Variants in ANKMY1 observed in about 807,000 individuals in gnomAD.
ANKMY1 encodes the protein ankyrin repeat and MYND domain-containing protein 1.
In ANKMY1, 98 loss-of-function variants were observed where a neutral mutation model predicts 102.0. The ratio of observed to expected loss-of-function variants is 0.96; its 90% CI spans 0.82 to 1.14. ANKMY1 has a LOEUF of 1.14. Ranked by LOEUF, ANKMY1 falls within the 50% of genes most tolerant of loss-of-function variation. The probability of loss-of-function intolerance (pLI) is 0.00; values close to 1 mark genes in which losing one functional copy is unlikely to be tolerated. For synonymous variants in ANKMY1, 582 were observed against 559.9 expected (o/e 1.04, Z -0.56); for missense variants, 1,330 against 1,347.6 (o/e 0.99, Z 0.20).
chr2:240,560,419 A>C (rs2092865017), upstream of ANKMY1: 4 of 331,850 alleles, frequency 1.2e-5, no homozygotes, highest in South Asian at 1.2e-4. Context: ...GGGACAGAGA[A>C]CATGGGACGC....
At position 240,520,114 on chromosome 2, in the gene ANKMY1, GA is replaced by G; in HGVS notation, c.2004+247del. 5 of 716,306 alleles carry G rather than the reference GA, an allele frequency of 7.0e-6. No individual in the cohort carries two copies. The highest frequency in any genetic ancestry group is 2.9e-5 in the East Asian group (1 of 34,728). 44.4% of individuals were successfully genotyped at this position (716,306 alleles called of 1,614,324 possible). ...TCCCCTTAGTTTGCTTCAACACTGG[GA>G]AAAAAATCACACGGATCGTGAAGTA... On this transcript the variant is annotated intron_variant, in intron 9 of 17. Coordinates refer to ENST00000401804, the MANE Select transcript of ANKMY1 (RefSeq NM_001282771.3). The surrounding 1 kb of genome is among the most constrained non-coding windows in gnomAD (Gnocchi z 4.8).
downstream of ANKMY1, among the ~76,000 whole-genome samples, chr2:240,477,926 A>G (rs1373752154): frequency 2.0e-5 from 3 of 152,160 alleles, no homozygotes; most frequent in Non-Finnish European, 2.9e-5. Context: ...TGGCCATGGT[A>G]ATATCCAGGT....
chr2:240,529,219 T>C lies in ANKMY1; in HGVS notation c.771A>G (p.Pro257=), dbSNP rs368913540. ...FLLNDNLTLP[P]EMYVYSTNSD... ...TGTTGGTCGAGTAGACATACATTTC[T>C]GGAGGCAGCGTTAGGTTGTCATTCA... The change falls in exon 5 of 18, where the codon CCA becomes CCG. Residue 257 remains proline, a synonymous_variant. Coordinates refer to ENST00000401804, the MANE Select transcript of ANKMY1 (RefSeq NM_001282771.3). The surrounding 1 kb of genome is among the most constrained non-coding windows in gnomAD (Gnocchi z 4.2). 9 of 1,614,116 alleles carry C rather than the reference T, an allele frequency of 5.6e-6. No individual in the cohort carries two copies. The highest frequency in any genetic ancestry group is 1.7e-5 in the Admixed American group (1 of 60,006).
chr2:240,507,120 A>C (rs1247995608), intron 13 of ANKMY1, among the ~76,000 whole-genome samples: 2 of 151,784 alleles, frequency 1.3e-5, no homozygotes, highest in African/African-American at 4.8e-5. Context: ...TGCTGAGTGG[A>C]TTTGCCACTT....
upstream of ANKMY1, chr2:240,560,509 T>A (rs1440750540): frequency 1.0e-6 from 1 of 1,001,778 alleles, no homozygotes; most frequent in Non-Finnish European, 1.3e-6. Flanking sequence ...CCAAGCCCCC[T>A]GTCCCGGCCC....
At chr2:240,521,047 A>G (rs2082142492) in intron 8 of ANKMY1, among the ~76,000 whole-genome samples, 1 of 152,138 alleles carries the variant, frequency 6.6e-6, no homozygotes, top group Admixed American at 6.6e-5. Context: ...GGTCAGGAGT[A>G]AACTGTGCCT....
At chr2:240,521,305 C>A (rs549552563) in intron 8 of ANKMY1, among the ~76,000 whole-genome samples, 1 of 151,294 alleles carries the variant, frequency 6.6e-6, no homozygotes, top group African/African-American at 2.5e-5. Flanking sequence ...TCTCCAGACC[C>A]GTCTCCAGAC....
At chr2:240,560,153 A>C (rs2092821604), upstream of ANKMY1, 1 of 152,684 alleles carries the variant, frequency 6.5e-6, no homozygotes, top group Admixed American at 6.5e-5. Context: ...AGCGGGCCAC[A>C]AAAAGGAATA....
In ANKMY1 at chr2:240,524,053, G is replaced by A. The variant is rs201824658; in HGVS notation, c.1664C>T (p.Thr555Met). 175 of 1,614,024 alleles carry A rather than the reference G, an allele frequency of 1.1e-4. 1 individual carries two copies. The highest frequency in any genetic ancestry group is 1.3e-4 in the Non-Finnish European group (150 of 1,180,044). Residue 555 changes from threonine (T) to methionine (M), a missense_variant, in exon 8 of 18, where the codon ACG (threonine) becomes ATG (methionine). Coordinates refer to ENST00000401804, the MANE Select transcript of ANKMY1 (RefSeq NM_001282771.3). ...TDRGSLCSAE[T>M]KFESNVCVCD... is the part of the protein sequence containing the mutation. ...CACACACACGTTGGACTCAAATTTC[G>A]TCTCAGCACTGCACAGACTGCCCCG... is the stretch of plus-strand genomic sequence containing the variant.
At chr2:240,493,033 C>A (rs1486916672) in intron 15 of ANKMY1, among the ~76,000 whole-genome samples, 2 of 150,402 alleles carry the variant, frequency 1.3e-5, no homozygotes, top group Admixed American at 6.7e-5. Context: ...TCAAAAGTTT[C>A]TTTTTGGTGA....
At position 240,511,818 on chromosome 2, in the gene ANKMY1, G is replaced by A. The variant is rs200258995; in HGVS notation, c.2286+43C>T. 1,389 of 1,531,166 alleles carry A rather than the reference G, an allele frequency of 9.1e-4. 6 individuals carry two copies. Among genetic ancestry groups the A allele is most frequent in the Non-Finnish European group, 7.3e-4 (838 of 1,154,364 alleles). The allele number at this position is 1,531,166 out of a possible 1,614,324, so 94.8% of individuals were successfully genotyped here. On this transcript the variant is annotated intron_variant, in intron 11 of 17. Coordinates refer to ENST00000401804, the MANE Select transcript of ANKMY1 (RefSeq NM_001282771.3). The stretch of plus-strand genomic sequence containing the variant: ...CAAGGCCCTGGAAGGTGGCCCCACC[G>A]CTGGGCAGCCCTGTGCCCCCGCCAG...
At chr2:240,522,637 C>G (rs771742448) in intron 8 of ANKMY1, 3 of 152,222 alleles carry the variant, frequency 2.0e-5, no homozygotes, top group African/African-American at 7.2e-5. Flanking sequence ...CTGAAGCCCA[C>G]GGGCCCACCT....
chr2:240,513,480 G>A (rs1409185871), intron 9 of ANKMY1, among the ~76,000 whole-genome samples: 1 of 152,254 alleles, frequency 6.6e-6, no homozygotes, highest in African/African-American at 2.4e-5. Flanking sequence ...GGCTGAGAAT[G>A]GACAGTGGGC....
At chr2:240,518,410 G>T (rs369583742) in intron 9 of ANKMY1, among the ~76,000 whole-genome samples, 1 of 152,062 alleles carries the variant, frequency 6.6e-6, no homozygotes, top group Non-Finnish European at 1.5e-5. Context: ...TTTCCCACAC[G>T]TGGTTATATT....
chr2:240,524,338 A>G lies in ANKMY1; in HGVS notation c.1379T>C (p.Phe460Ser). 1.2e-6 allele frequency: 2 copies of G among 1,608,994 alleles called. No individual in the cohort carries two copies. The highest frequency in any genetic ancestry group is 1.7e-6 in the Non-Finnish European group (2 of 1,176,930). The change falls in exon 8 of 18, where the codon TTT becomes TCT. Residue 460 changes from phenylalanine (F) to serine (S), a missense_variant. Physicochemically the swap from Phe to Ser is radical, Grantham distance 155. Transcript: ENST00000401804. ...FPVVPILSSS[F>S]MDTNLESLYY... ...CAGAGACTCCAGGTTTGTGTCCATA[A>G]ATGATGATGAAAGGATTGGAACAAC...
chr2:240,554,806 AT>A (rs1237158180), intron 3 of ANKMY1, 59 bp downstream of exon 3: 1 of 1,590,466 alleles, frequency 6.3e-7, no homozygotes, highest in Non-Finnish European at 8.6e-7. Context: ...TCTTGGAAGG[AT>A]AAAGGCCAGC....
Position 240,481,063 on chromosome 2 carries a change from G to A in ANKMY1, c.2920C>T (p.Arg974Cys), listed in dbSNP as rs146962817. 43 of 1,612,588 alleles carry A rather than the reference G, an allele frequency of 2.7e-5. No homozygotes were observed. The highest frequency in any genetic ancestry group is 3.3e-5 in the Admixed American group (2 of 59,932). The change falls in exon 17 of 18, where the codon CGC becomes TGC. Residue 974 changes from arginine to cysteine, a missense_variant. Physicochemically the swap from Arg to Cys is radical, Grantham distance 180. Coordinates refer to ENST00000401804, the MANE Select transcript of ANKMY1 (RefSeq NM_001282771.3). Reference protein sequence around the residue: ...PFFKFCYQCGRSIGVRLLPCP... With the variant: ...PFFKFCYQCGCSIGVRLLPCP... ...GGCAAGAGGCGGACCCCGATGGAGC[G>A]GCCACACTGGTAGCAGAACTTGAAG...
chr2:240,475,397 C>A (rs991564105), downstream of ANKMY1, among the ~76,000 whole-genome samples: 1 of 151,570 alleles, frequency 6.6e-6, no homozygotes, highest in African/African-American at 2.4e-5. Flanking sequence ...AGAAAACAAT[C>A]CCATTTACAA....
intron 15 of ANKMY1, among the ~76,000 whole-genome samples, chr2:240,498,323 G>A (rs2077552685): frequency 6.6e-6 from 1 of 151,614 alleles, no homozygotes; most frequent in Non-Finnish European, 1.5e-5. Context: ...GTGGGCACAT[G>A]TGTGACGGCA....
Sources: allele counts gnomAD v4.1 joint callset (sites outside exome capture counted in the v4.1 genomes callset), GRCh38; gene constraint gnomAD v4.1.1; non-coding constraint Gnocchi (gnomAD v3.1); transcripts MANE v1.5; gene names NCBI Gene and HGNC (gene_info 2026-07-23, HGNC 2026-07-21).